Variants in ZNF385D observed in about 807,000 individuals in gnomAD.
ZNF385D encodes the protein zinc finger protein 385D, also known as zinc finger protein 659.
ZNF385D carries 15 observed loss-of-function variants against 35.8 expected under a neutral mutation model. That is an observed-to-expected ratio of 0.42 (90% CI 0.28 to 0.64). The LOEUF (loss-of-function observed/expected upper bound fraction) is 0.64, where lower values mean the gene tolerates loss of function less well. Among genes scored for constraint, ZNF385D ranks in the 30% least tolerant of loss-of-function variants. The pLI is 0.23. For synonymous variants in ZNF385D, 212 were observed against 186.8 expected (o/e 1.13, Z -1.10); for missense variants, 474 against 494.6 (o/e 0.96, Z 0.39).
At chr3:21,608,981 A>C (rs1267322401) in intron 2 of ZNF385D, among the ~76,000 whole-genome samples, 1 of 152,246 alleles carries the variant, frequency 6.6e-6, no homozygotes, top group African/African-American at 2.4e-5. Flanking sequence ...GAATCTTGAG[A>C]TGTAATCAAG....
intron 1 of ZNF385D, among the ~76,000 whole-genome samples, chr3:21,689,153 A>T (rs777869120): frequency 7.1e-6 from 1 of 140,208 alleles, no homozygotes; most frequent in Non-Finnish European, 1.6e-5. Context: ...AAAAAAAAAT[A>T]CTATTCCATT....
intron 4 of ZNF385D, among the ~76,000 whole-genome samples, chr3:21,439,895 T>C (rs1012475232): frequency 1.3e-5 from 2 of 152,114 alleles, no homozygotes; most frequent in African/African-American, 4.8e-5. Context: ...TGTGTCTACT[T>C]TCTGGAATAC....
intron 2 of ZNF385D, among the ~76,000 whole-genome samples, chr3:22,200,670 G>C (rs1253214505): frequency 6.6e-6 from 1 of 151,986 alleles, no homozygotes; most frequent in African/African-American, 2.4e-5. Context: ...AATAAGCCTG[G>C]GAGCACTATG....
At chr3:21,474,218 G>A (rs1462563561) in intron 4 of ZNF385D, among the ~76,000 whole-genome samples, 1 of 151,888 alleles carries the variant, frequency 6.6e-6, no homozygotes, top group African/African-American at 2.4e-5. Flanking sequence ...GCTTACGTAG[G>A]GAAACCTAAA....
intron 3 of ZNF385D, among the ~76,000 whole-genome samples, chr3:21,980,623 A>T (rs1005859805): frequency 1.3e-5 from 2 of 152,090 alleles, no homozygotes; most frequent in Non-Finnish European, 2.9e-5. Context: ...TTACATAAAC[A>T]CATGTCCCAG....
At chr3:22,317,307 G>C (rs962968180) in intron 2 of ZNF385D, among the ~76,000 whole-genome samples, 1 of 114,756 alleles carries the variant, frequency 8.7e-6, no homozygotes, top group Non-Finnish European at 1.9e-5. Context: ...AAAAAAAAAG[G>C]AAAAAATAAA....
intron 2 of ZNF385D, among the ~76,000 whole-genome samples, chr3:21,588,066 A>G (rs2063862789): frequency 6.6e-6 from 1 of 152,194 alleles, no homozygotes; most frequent in African/African-American, 2.4e-5. Flanking sequence ...ATAAAAAGAC[A>G]AGATAAAGTT....
intron 2 of ZNF385D, among the ~76,000 whole-genome samples, chr3:22,272,240 T>C (rs1331173264): frequency 1.3e-5 from 2 of 152,074 alleles, no homozygotes; most frequent in East Asian, 3.9e-4. Flanking sequence ...ATCCTTTAAA[T>C]GCATTTTTAA....
At chr3:21,895,179 G>A (rs1011357291) in intron 3 of ZNF385D, among the ~76,000 whole-genome samples, 3 of 151,952 alleles carry the variant, frequency 2.0e-5, no homozygotes, top group African/African-American at 7.3e-5. Flanking sequence ...ATTTCTATTT[G>A]ACTGATTAGA....
intron 2 of ZNF385D, among the ~76,000 whole-genome samples, chr3:22,274,607 TTAA>T (rs1701333392): frequency 6.6e-6 from 1 of 151,994 alleles, no homozygotes; most frequent in African/African-American, 2.4e-5. Context: ...TTTTGGCTGT[TTAA>T]CAGTTTGGCT....
At chr3:21,916,163 T>G (rs1458972175) in intron 3 of ZNF385D, among the ~76,000 whole-genome samples, 1 of 152,100 alleles carries the variant, frequency 6.6e-6, no homozygotes, top group Non-Finnish European at 1.5e-5. Flanking sequence ...ACTCTATAGG[T>G]CATATTTTGT....
At chr3:21,866,433 G>A (rs752756322) in intron 3 of ZNF385D, among the ~76,000 whole-genome samples, 3 of 152,122 alleles carry the variant, frequency 2.0e-5, no homozygotes, top group Admixed American at 6.6e-5. Context: ...TCTGTCTTGG[G>A]CAACAGGAGT....
At chr3:22,323,270 C>A (rs1694527331) in intron 2 of ZNF385D, among the ~76,000 whole-genome samples, 1 of 152,124 alleles carries the variant, frequency 6.6e-6, no homozygotes, top group Non-Finnish European at 1.5e-5. Context: ...CCTGACCCTG[C>A]CCACAGACTC....
At chr3:22,128,544 T>C (rs1430234153) in intron 3 of ZNF385D, among the ~76,000 whole-genome samples, 2 of 152,128 alleles carry the variant, frequency 1.3e-5, no homozygotes, top group Admixed American at 6.6e-5. Flanking sequence ...TTCTAGATCT[T>C]GTATGTGTGT....
chr3:21,520,237 C>A (rs148757503), intron 3 of ZNF385D, among the ~76,000 whole-genome samples: 4 of 152,176 alleles, frequency 2.6e-5, no homozygotes, highest in African/African-American at 9.6e-5. Flanking sequence ...TGCATCGTAG[C>A]ACTTATGTCA....
At chr3:21,548,891 C>A (rs967455076) in intron 3 of ZNF385D, among the ~76,000 whole-genome samples, 1 of 152,170 alleles carries the variant, frequency 6.6e-6, no homozygotes, top group Non-Finnish European at 1.5e-5. Context: ...AAAAAGTCAA[C>A]TAAATATTTT....
intron 2 of ZNF385D, among the ~76,000 whole-genome samples, chr3:22,235,007 C>A (rs1234391601): frequency 6.6e-6 from 1 of 151,934 alleles, no homozygotes; most frequent in Non-Finnish European, 1.5e-5. Flanking sequence ...TATACCAAAT[C>A]TCAACCACAT....
At chr3:21,807,843 G>A (rs2072723130) in intron 3 of ZNF385D, among the ~76,000 whole-genome samples, 1 of 152,120 alleles carries the variant, frequency 6.6e-6, no homozygotes, top group Non-Finnish European at 1.5e-5. Context: ...TCTCTGAGAT[G>A]GAGTGTCATA....
At chr3:22,199,086 A>C (rs1033966953) in intron 2 of ZNF385D, among the ~76,000 whole-genome samples, 1 of 152,066 alleles carries the variant, frequency 6.6e-6, no homozygotes, top group South Asian at 2.1e-4. Context: ...TGTAACTCTC[A>C]GAATCTCTTA....
Sources: gnomAD v4.1 joint callset for allele counts (sites outside exome capture counted in the v4.1 genomes callset) on GRCh38, gnomAD v4.1.1 for gene constraint, MANE v1.5 for transcripts, NCBI Gene and HGNC (gene_info 2026-07-23, HGNC 2026-07-21) for gene names.